Variants in CSMD1 observed in about 807,000 individuals in gnomAD.
CSMD1 encodes the protein CUB and sushi domain-containing protein 1.
CSMD1 carries 213 observed loss-of-function variants against 417.5 expected under a neutral mutation model. That is an observed-to-expected ratio of 0.51 (90% CI 0.46 to 0.57). The LOEUF (loss-of-function observed/expected upper bound fraction) is 0.57, where lower values mean the gene tolerates loss of function less well. CSMD1 is among the 20% of genes least tolerant of loss of function. The probability of loss-of-function intolerance (pLI) is 0.00; values close to 1 mark genes in which losing one functional copy is unlikely to be tolerated. For synonymous variants in CSMD1, 2,862 were observed against 1,736.8 expected (o/e 1.65, Z -16.11); for missense variants, 6,923 against 4,529.7 (o/e 1.53, Z -15.17).
intron 3 of CSMD1, among the ~76,000 whole-genome samples, chr8:4,202,354 C>T (rs926050430): frequency 6.6e-6 from 1 of 152,176 alleles, no homozygotes; most frequent in Non-Finnish European, 1.5e-5. Flanking sequence ...TTAATGTCTT[C>T]ATGTATCATT....
intron 3 of CSMD1, among the ~76,000 whole-genome samples, chr8:4,199,739 C>T (rs992811408): frequency 1.3e-5 from 2 of 152,062 alleles, no homozygotes; most frequent in Admixed American, 1.3e-4. Context: ...TGCTTTGATC[C>T]TCTTAAAATA....
intron 3 of CSMD1, among the ~76,000 whole-genome samples, chr8:4,115,017 G>A (rs975209684): frequency 1.4e-4 from 21 of 152,172 alleles, no homozygotes; most frequent in African/African-American, 5.1e-4. Context: ...TGATAATGCA[G>A]AAGCATGGTT....
At chr8:3,424,449 T>A (rs1331505367) in intron 12 of CSMD1, among the ~76,000 whole-genome samples, 1 of 152,232 alleles carries the variant, frequency 6.6e-6, no homozygotes, top group Non-Finnish European at 1.5e-5. Flanking sequence ...GTCTGTGTAT[T>A]TATTCACTGT....
chr8:3,774,038 T>C (rs1798765037), intron 5 of CSMD1, among the ~76,000 whole-genome samples: 1 of 152,176 alleles, frequency 6.6e-6, no homozygotes, highest in Non-Finnish European at 1.5e-5. Flanking sequence ...CTATCTTTCA[T>C]TCTTGGGCTT....
chr8:4,447,826 C>T (rs1798903203), intron 2 of CSMD1, among the ~76,000 whole-genome samples: 1 of 152,124 alleles, frequency 6.6e-6, no homozygotes, highest in Admixed American at 6.5e-5. Flanking sequence ...CACAACGTTT[C>T]AAAGATTTAA....
intron 2 of CSMD1, among the ~76,000 whole-genome samples, chr8:4,604,809 A>C (rs540862338): frequency 6.6e-6 from 1 of 152,274 alleles, no homozygotes; most frequent in East Asian, 1.9e-4. Context: ...ATTTAGTTGT[A>C]CCTCCTTTTT....
At chr8:4,842,748 T>C (rs1441463339) in intron 1 of CSMD1, among the ~76,000 whole-genome samples, 1 of 152,256 alleles carries the variant, frequency 6.6e-6, no homozygotes, top group African/African-American at 2.4e-5. Flanking sequence ...TTATTTATTA[T>C]GCTAGCATTG....
rs34024441 is a variant in CSMD1, at chr8:3,968,531, A to ATT, written c.818+29370_818+29371dup. Among the ~76,000 whole-genome samples, 17 of 151,960 alleles carry ATT rather than the reference A, an allele frequency of 1.1e-4. No individual in the cohort carries two copies. The East Asian group carries it at 1.2e-3, about 10-fold the overall frequency. ...AATAAAGCAACATACTGCAAATGCCATTTTTTTTCAGATTTTCAGAAGGTT... is the reference window on the plus strand; with the variant it reads ...AATAAAGCAACATACTGCAAATGCCATTTTTTTTTTCAGATTTTCAGAAGGTT... On this transcript the variant is annotated intron_variant, in intron 5 of 69. Coordinates refer to ENST00000635120, the MANE Select transcript of CSMD1 (RefSeq NM_033225.6).
At chr8:4,175,003 T>C (rs906445259) in intron 3 of CSMD1, among the ~76,000 whole-genome samples, 2 of 151,694 alleles carry the variant, frequency 1.3e-5, no homozygotes, top group African/African-American at 4.9e-5. Context: ...TGGAATCTCT[T>C]ATCTCACTCT....
chr8:3,421,821 A>G (rs1813505577), intron 12 of CSMD1, among the ~76,000 whole-genome samples: 1 of 152,144 alleles, frequency 6.6e-6, no homozygotes, highest in African/African-American at 2.4e-5. Context: ...TATTTTTCGT[A>G]CAGACAGGGT....
intron 7 of CSMD1, among the ~76,000 whole-genome samples, chr8:3,660,612 C>T (rs1269479874): frequency 5.4e-5 from 8 of 148,986 alleles, no homozygotes. Context: ...CCTCCACCTC[C>T]CAGGTTCAAG....
chr8:4,682,955 CATAT>C (rs10566841), intron 1 of CSMD1, among the ~76,000 whole-genome samples: 5,094 of 118,222 alleles, frequency 0.043, 117 homozygotes, highest in African/African-American at 0.046. Context: ...TAAGTATCTT[CATAT>C]ATATATATAT....
At chr8:4,030,731 G>C (rs769733188) in intron 4 of CSMD1, among the ~76,000 whole-genome samples, 1 of 152,084 alleles carries the variant, frequency 6.6e-6, no homozygotes, top group Non-Finnish European at 1.5e-5. Context: ...TGGAAAATGG[G>C]ATTTTCTTTT....
At chr8:3,826,285 G>T (rs1473259022) in intron 5 of CSMD1, among the ~76,000 whole-genome samples, 1 of 152,064 alleles carries the variant, frequency 6.6e-6, no homozygotes, top group African/African-American at 2.4e-5. Context: ...ACCACCCAGG[G>T]TAATGAAGGA....
intron 20 of CSMD1, among the ~76,000 whole-genome samples, chr8:3,360,816 G>A (rs1185062940): frequency 6.6e-6 from 1 of 150,402 alleles, no homozygotes; most frequent in African/African-American, 2.4e-5. Context: ...AAATCCAACT[G>A]ATCCTTTTCC....
chr8:4,683,987 G>C (rs185217601), intron 1 of CSMD1, among the ~76,000 whole-genome samples: 51 of 152,296 alleles, frequency 3.3e-4, no homozygotes, highest in African/African-American at 1.1e-3. Context: ...AAAATATTCA[G>C]TATCACTGAC....
intron 1 of CSMD1, among the ~76,000 whole-genome samples, chr8:4,863,808 C>T (rs1802272525): frequency 6.6e-6 from 1 of 151,988 alleles, no homozygotes; most frequent in South Asian, 2.1e-4. Flanking sequence ...TTGAATAGAA[C>T]ATGAAAATCC....
intron 27 of CSMD1, among the ~76,000 whole-genome samples, chr8:3,225,798 C>G (rs931797049): frequency 6.6e-6 from 1 of 152,202 alleles, no homozygotes; most frequent in Non-Finnish European, 1.5e-5. Context: ...TTTGTTCTCT[C>G]TTTTGGTCTG....
intron 41 of CSMD1, among the ~76,000 whole-genome samples, chr8:3,123,703 C>T (rs1817336354): frequency 6.6e-6 from 1 of 152,172 alleles, no homozygotes; most frequent in African/African-American, 2.4e-5. Flanking sequence ...TAGAAGATTT[C>T]ATCCACGAAT....
Sources: gnomAD v4.1 joint callset for allele counts (sites outside exome capture counted in the v4.1 genomes callset) on GRCh38, gnomAD v4.1.1 for gene constraint, MANE v1.5 for transcripts, NCBI Gene and HGNC (gene_info 2026-07-23, HGNC 2026-07-21) for gene names.